CCDC7: variants seen among roughly 807,000 people sequenced by gnomAD.
CCDC7 encodes the protein coiled-coil domain containing 7.
A neutral mutation model predicts 196.9 loss-of-function variants in CCDC7; 183 were observed. The ratio of observed to expected loss-of-function variants is 0.93; its 90% CI spans 0.82 to 1.05. The LOEUF (loss-of-function observed/expected upper bound fraction) is 1.05, where lower values mean the gene tolerates loss of function less well. CCDC7 is among the 50% of genes least tolerant of loss of function. The pLI is 0.00. For missense variants in CCDC7, 1,540 were observed against 1,482.2 expected, an observed-to-expected ratio of 1.04 and a Z score of -0.64; for synonymous variants, 525 against 484.6, an observed-to-expected ratio of 1.08 and a Z score of -1.10.
At position 32,738,865 on chromosome 10, in the gene CCDC7, G is replaced by A. The variant is rs150027596; in HGVS notation, c.2905+9408G>A. Among the ~76,000 whole-genome samples, 166 of 152,160 alleles carry A rather than the reference G, an allele frequency of 1.1e-3. 1 individual carries two copies. The highest frequency in any genetic ancestry group is 3.7e-3 in the African/African-American group (154 of 41,532). The stretch of plus-strand genomic sequence containing the variant: ...ATTATATTCCTTCTCTCTGAAGAAT[G>A]TTTAAAAATATTTTCTTCCAATGCA... On this transcript the variant is annotated intron_variant, in intron 28 of 41. Transcript: ENST00000639629.
At chr10:32,778,416 T>G (rs938252619) in intron 28 of CCDC7, among the ~76,000 whole-genome samples, 2 of 152,228 alleles carry the variant, frequency 1.3e-5, no homozygotes, top group African/African-American at 4.8e-5. Flanking sequence ...TTGCCAGCTA[T>G]CCCAGCATCA....
chr10:32,548,991 G>A (rs189371544), intron 13 of CCDC7, among the ~76,000 whole-genome samples: 2 of 152,292 alleles, frequency 1.3e-5, no homozygotes, highest in East Asian at 3.9e-4. Flanking sequence ...TCTCTACACC[G>A]TTTTCCATAG....
chr10:32,877,741 G>A (rs1242017019), downstream of CCDC7, among the ~76,000 whole-genome samples: 2 of 152,084 alleles, frequency 1.3e-5, no homozygotes, highest in East Asian at 3.9e-4. Flanking sequence ...TTCTAAATCA[G>A]TACTTTTCAA....
chr10:32,759,464 G>A (rs545975684), intron 28 of CCDC7, among the ~76,000 whole-genome samples: 16 of 152,096 alleles, frequency 1.1e-4, no homozygotes, highest in Non-Finnish European at 1.9e-4. Flanking sequence ...TCTGATCTTT[G>A]ACAAACCTGA....
At chr10:32,831,881 C>A (rs2092220456) in intron 32 of CCDC7, among the ~76,000 whole-genome samples, 1 of 152,080 alleles carries the variant, frequency 6.6e-6, no homozygotes. Context: ...AAATGTATAG[C>A]AAATATATAA....
chr10:32,506,480 C>T (rs112674776), intron 9 of CCDC7, among the ~76,000 whole-genome samples: 7,971 of 152,290 alleles, frequency 0.052, 691 homozygotes, highest in African/African-American at 0.18. Flanking sequence ...GTAATCTTAG[C>T]ACTTTGGGAG....
At chr10:32,462,233 C>T (rs572904896) in intron 3 of CCDC7, among the ~76,000 whole-genome samples, 3 of 152,168 alleles carry the variant, frequency 2.0e-5, no homozygotes, top group African/African-American at 7.2e-5. Flanking sequence ...CCAGCCTGGG[C>T]AACATGGCCA....
At chr10:32,612,736 T>G (rs916169667) in intron 18 of CCDC7, among the ~76,000 whole-genome samples, 3 of 152,202 alleles carry the variant, frequency 2.0e-5, no homozygotes, top group Non-Finnish European at 4.4e-5. Flanking sequence ...TTGCGTATGT[T>G]GAACCAGCCT....
chr10:32,548,869 A>T (rs1264589337), intron 13 of CCDC7, among the ~76,000 whole-genome samples: 1 of 152,188 alleles, frequency 6.6e-6, no homozygotes, highest in Non-Finnish European at 1.5e-5. Context: ...GCTGCTATAA[A>T]CATGCATGTG....
chr10:32,708,996 A>T (rs563650874), intron 24 of CCDC7, among the ~76,000 whole-genome samples: 1 of 152,348 alleles, frequency 6.6e-6, no homozygotes, highest in Admixed American at 6.5e-5. Flanking sequence ...ATTATAAATC[A>T]TGCTACTGTA....
At chr10:32,446,611 A>G (rs1278287479) in intron 1 of CCDC7, 1 of 152,136 alleles carries the variant, frequency 6.6e-6, no homozygotes, top group Non-Finnish European at 1.5e-5. Context: ...ACACTTTATC[A>G]TTAAAGGATT....
chr10:32,829,291 G>A (rs886283592), intron 32 of CCDC7, among the ~76,000 whole-genome samples: 3 of 152,162 alleles, frequency 2.0e-5, no homozygotes, highest in Admixed American at 6.5e-5. Context: ...CTGCTGAGGT[G>A]CTTGCTGAAG....
chr10:32,567,073 ATATATAT>A (rs1439856678), intron 14 of CCDC7, among the ~76,000 whole-genome samples: 2 of 145,808 alleles, frequency 1.4e-5, no homozygotes, highest in Non-Finnish European at 3.0e-5. Context: ...CTAATATATA[ATATATAT>A]TATATATATA....
intron 18 of CCDC7, among the ~76,000 whole-genome samples, chr10:32,611,334 T>G (rs1213032718): frequency 6.6e-6 from 1 of 152,226 alleles, no homozygotes; most frequent in African/African-American, 2.4e-5. Context: ...CTTTGTCAGA[T>G]GGATAATTGC....
At chr10:32,849,927 T>G (rs1027313750) in intron 39 of CCDC7, among the ~76,000 whole-genome samples, 2 of 152,024 alleles carry the variant, frequency 1.3e-5, no homozygotes, top group Admixed American at 1.3e-4. Flanking sequence ...AGGGGGGAAC[T>G]TGGATCCCTA....
chr10:32,674,041 A>T (rs1245813579), intron 21 of CCDC7, among the ~76,000 whole-genome samples: 1 of 151,488 alleles, frequency 6.6e-6, no homozygotes, highest in East Asian at 1.9e-4. Context: ...AATTTTCTTT[A>T]TCTTTTCAAA....
At chr10:32,616,887 A>G (rs1341446631) in intron 18 of CCDC7, among the ~76,000 whole-genome samples, 1 of 151,794 alleles carries the variant, frequency 6.6e-6, no homozygotes, top group Non-Finnish European at 1.5e-5. Flanking sequence ...ATTTTATGGA[A>G]TGCTTTTTCT....
intron 9 of CCDC7, among the ~76,000 whole-genome samples, chr10:32,500,814 G>A (rs2134921793): frequency 6.6e-6 from 1 of 152,350 alleles, no homozygotes; most frequent in East Asian, 1.9e-4. Context: ...GGAGGCCGAG[G>A]CAGGCAGATC....
intron 18 of CCDC7, among the ~76,000 whole-genome samples, chr10:32,610,384 G>A (rs961673808): frequency 9.9e-5 from 15 of 152,214 alleles, no homozygotes; most frequent in Admixed American, 7.2e-4. Context: ...GATTACAGGC[G>A]TGAGCCAACG....
Sources: gnomAD v4.1 joint callset for allele counts (sites outside exome capture counted in the v4.1 genomes callset) on GRCh38, gnomAD v4.1.1 for gene constraint, MANE v1.5 for transcripts, NCBI Gene and HGNC (gene_info 2026-07-23, HGNC 2026-07-21) for gene names.